SNX27: variants seen among roughly 807,000 people sequenced by gnomAD.
SNX27 encodes the protein sorting nexin 27, also known as sorting nexin-27.
SNX27 carries 22 observed loss-of-function variants against 71.6 expected under a neutral mutation model. The ratio of observed to expected loss-of-function variants is 0.31; its 90% CI spans 0.22 to 0.44. The LOEUF (loss-of-function observed/expected upper bound fraction) is 0.44, where lower values mean the gene tolerates loss of function less well. SNX27 is among the 20% of genes least tolerant of loss of function. The pLI is 1.00. For synonymous variants in SNX27, 269 were observed against 277.2 expected (o/e 0.97, Z 0.29); for missense variants, 531 against 698.6 (o/e 0.76, Z 2.70).
chr1:151,687,838 C>G (rs1187962659), intron 8 of SNX27, among the ~76,000 whole-genome samples: 1 of 151,832 alleles, frequency 6.6e-6, no homozygotes, highest in Non-Finnish European at 1.5e-5. Context: ...GTCCCAGCTA[C>G]TCAGGAGACT....
At chr1:151,623,059 C>G (rs558711779) in intron 1 of SNX27, among the ~76,000 whole-genome samples, 27 of 151,942 alleles carry the variant, frequency 1.8e-4, no homozygotes, top group Middle Eastern at 3.4e-3. Context: ...TGCAACCTCC[C>G]CCTCCCAGGT....
chr1:151,673,334 T>G (rs528638518), intron 7 of SNX27, among the ~76,000 whole-genome samples: 20 of 152,098 alleles, frequency 1.3e-4, no homozygotes, highest in Non-Finnish European at 2.1e-4. Flanking sequence ...CTTGATATTA[T>G]TATAATATCA....
intron 1 of SNX27, among the ~76,000 whole-genome samples, chr1:151,616,649 T>C (rs1667438431): frequency 6.6e-6 from 1 of 152,230 alleles, no homozygotes; most frequent in Non-Finnish European, 1.5e-5. Flanking sequence ...TAACACAGAC[T>C]AGGTACCGTC....
rs1490108222 is a variant in SNX27 at position 151,698,951 on chromosome 1, C to T, written c.*4534C>T. ...AATGTGAAGAGAAAATACACAGACACAATAATGGCTAACATTGTTTCTTTC... is the reference window on the plus strand; with the variant it reads ...AATGTGAAGAGAAAATACACAGACATAATAATGGCTAACATTGTTTCTTTC... On this transcript the variant is annotated 3_prime_UTR_variant, in exon 12 of 12. Coordinates refer to ENST00000458013, the MANE Select transcript of SNX27 (RefSeq NM_001330723.2). The T allele has an allele frequency of 6.6e-6, 1 of 152,652 alleles. No homozygotes were observed. The highest frequency in any genetic ancestry group is 6.5e-5 in the Admixed American group (1 of 15,276). The allele number at this position is 152,652 out of a possible 1,614,324, so 9.5% of individuals were successfully genotyped here. A position where few individuals can be genotyped will look rare whatever the true frequency, so the allele number is the denominator to read the frequency against.
chr1:151,677,947 A>AT (rs1482092263), intron 7 of SNX27: 1 of 152,174 alleles, frequency 6.6e-6, no homozygotes, highest in Non-Finnish European at 1.5e-5. Context: ...CAATTTGATA[A>AT]TTTTTTAAAT....
intron 7 of SNX27, among the ~76,000 whole-genome samples, chr1:151,673,363 T>A (rs1670528331): frequency 6.6e-6 from 1 of 152,108 alleles, no homozygotes; most frequent in Non-Finnish European, 1.5e-5. Context: ...AGATACTTGA[T>A]CATATTGATA....
chr1:151,668,824 G>A (rs1670331073), intron 7 of SNX27, among the ~76,000 whole-genome samples, 189 bp downstream of exon 7: 1 of 152,060 alleles, frequency 6.6e-6, no homozygotes, highest in African/African-American at 2.4e-5. Flanking sequence ...AAGATATCCT[G>A]GAGTTTAAAA....
chr1:151,657,531 A>C lies in SNX27; in HGVS notation c.544-704A>C, dbSNP rs1264061825. Among the ~76,000 whole-genome samples the C allele has an allele frequency of 5.9e-5, 9 of 152,154 alleles. 1 individual carries two copies. ...CAACTTTAGAGCCAGTTTAGGCCAC[A>C]CACGAGTATCAGTTACATTGCTTTA... On this transcript the variant is annotated intron_variant, in intron 2 of 11. Coordinates refer to ENST00000458013, the MANE Select transcript of SNX27 (RefSeq NM_001330723.2).
At chr1:151,664,854 A>G (rs1401046615) in intron 5 of SNX27, among the ~76,000 whole-genome samples, 1 of 152,156 alleles carries the variant, frequency 6.6e-6, no homozygotes, top group Non-Finnish European at 1.5e-5. Context: ...AGCAAGGCTT[A>G]GGTTTTTTAC....
intron 11 of SNX27, chr1:151,694,056 G>T: frequency 8.1e-7 from 1 of 1,239,654 alleles, no homozygotes; most frequent in Non-Finnish European, 1.0e-6. Flanking sequence ...ACAGTAGAAA[G>T]AACATTGGGC....
At position 151,696,506 on chromosome 1, in the gene SNX27, G is replaced by GTTCTTTCGTTC. The variant is rs1186022014; in HGVS notation, c.*2092_*2102dup. 3 of 82,222 alleles carry GTTCTTTCGTTC rather than the reference G, an allele frequency of 3.6e-5. No individual in the cohort carries two copies. The Admixed American group carries it at 4.1e-4, about 11-fold the overall frequency. 5.1% of individuals were successfully genotyped at this position (82,222 alleles called of 1,614,324 possible). A position where few individuals can be genotyped will look rare whatever the true frequency, so the allele number is the denominator to read the frequency against. On this transcript the variant is annotated 3_prime_UTR_variant, in exon 12 of 12. Transcript: ENST00000458013. ...CTTTCTTTCTTTCTTTCTTTCTTTCGTTCTTTCGTTCTTTCGTTCTTTCTT... is the reference window on the plus strand; with the variant it reads ...CTTTCTTTCTTTCTTTCTTTCTTTCGTTCTTTCGTTCTTCTTTCGTTCTTTCGTTCTTTCTT...
chr1:151,640,351 C>A (rs1403618586), intron 2 of SNX27, among the ~76,000 whole-genome samples: 1 of 152,068 alleles, frequency 6.6e-6, no homozygotes, highest in Admixed American at 6.6e-5. Context: ...ATAATACTAC[C>A]AATTGTACCT....
At chr1:151,613,891 T>G (rs1667308443) in intron 1 of SNX27, 1 of 152,212 alleles carries the variant, frequency 6.6e-6, no homozygotes. Flanking sequence ...TTTTACACTT[T>G]TACTCTCTCC....
chr1:151,666,121 C>A, intron 6 of SNX27, 110 bp downstream of exon 6: 1 of 731,594 alleles, frequency 1.4e-6, no homozygotes, highest in Non-Finnish European at 2.2e-6. Flanking sequence ...TTAGAACTGT[C>A]TCTAACAATC....
chr1:151,647,190 G>T (rs1252813069), intron 2 of SNX27, among the ~76,000 whole-genome samples: 1 of 136,916 alleles, frequency 7.3e-6, no homozygotes, highest in Non-Finnish European at 1.6e-5. Flanking sequence ...TGCTCTCATT[G>T]CCCAGGCTGG....
At chr1:151,635,893 A>G (rs571927369) in intron 1 of SNX27, among the ~76,000 whole-genome samples, 4 of 152,278 alleles carry the variant, frequency 2.6e-5, no homozygotes, top group Admixed American at 6.5e-5. Flanking sequence ...CTCTTGGTAT[A>G]AGTCTCACTT....
chr1:151,654,855 T>A (rs191926835), intron 2 of SNX27, among the ~76,000 whole-genome samples: 74 of 152,304 alleles, frequency 4.9e-4, no homozygotes, highest in African/African-American at 1.6e-3. Flanking sequence ...CATTACCTCT[T>A]AAAGATCCCA....
At chr1:151,644,199 A>G (rs1298305517) in intron 2 of SNX27, among the ~76,000 whole-genome samples, 2 of 152,240 alleles carry the variant, frequency 1.3e-5, no homozygotes, top group Admixed American at 6.5e-5. Flanking sequence ...TACATGTCTT[A>G]TGACTCAAAG....
intron 4 of SNX27, 121 bp from the exon 5 acceptor site, chr1:151,662,045 C>T: frequency 3.4e-6 from 2 of 588,314 alleles, no homozygotes; most frequent in Non-Finnish European, 6.1e-6. Flanking sequence ...GATTTTTTTC[C>T]CGTTTTCATT....
Sources: allele counts gnomAD v4.1 joint callset (sites outside exome capture counted in the v4.1 genomes callset), GRCh38; gene constraint gnomAD v4.1.1; transcripts MANE v1.5; gene names NCBI Gene and HGNC (gene_info 2026-07-23, HGNC 2026-07-21).